The following B4GALNT3 variants were observed in gnomAD, a reference collection of about 807,000 sequenced individuals.
B4GALNT3 encodes the protein beta-1,4-N-acetyl-galactosaminyltransferase 3.
In B4GALNT3, 86 loss-of-function variants were observed where a neutral mutation model predicts 120.2. The observed-to-expected ratio is 0.72, with a 90% CI of 0.60 to 0.86. The LOEUF is 0.86. Among genes scored for constraint, B4GALNT3 ranks in the 40% least tolerant of loss-of-function variants. The pLI, the probability that B4GALNT3 is intolerant of heterozygous loss-of-function variation, is 0.00. For synonymous variants in B4GALNT3, 518 were observed against 510.4 expected (o/e 1.01, Z -0.20); for missense variants, 1,167 against 1,298.9 (o/e 0.90, Z 1.56).
chr12:560,398 A>C (rs1272969526), intron 19 of B4GALNT3, among the ~76,000 whole-genome samples: 2 of 152,158 alleles, frequency 1.3e-5, no homozygotes, highest in Non-Finnish European at 2.9e-5. Flanking sequence ...CCCAGACCTC[A>C]GTGAGGTCGG....
At chr12:554,066 T>A in intron 14 of B4GALNT3, 83 bp downstream of exon 14, 1 of 934,408 alleles carries the variant, frequency 1.1e-6, no homozygotes, top group Non-Finnish European at 1.6e-6. Flanking sequence ...TAAGGGCTGG[T>A]AGTGGGTTCC....
chr12:549,899 C>A lies in B4GALNT3; in HGVS notation c.984C>A (p.Asp328Glu). 3 of 1,612,748 alleles carry A rather than the reference C, an allele frequency of 1.9e-6. No individual in the cohort carries two copies. The highest frequency in any genetic ancestry group is 2.5e-6 in the Non-Finnish European group (3 of 1,179,716). The change falls in exon 10 of 20, where the codon GAC becomes GAA. Residue 328 changes from aspartate (D) to glutamate (E), a missense_variant. Around this residue, in one of 3 missense-constraint regions of B4GALNT3, gnomAD observed 983 missense variants for 1,102.5 expected, o/e 0.89. Transcript: ENST00000266383. The part of the protein sequence containing the change: ...PADMLRPDPR[D>E]TLYRVPLIPK... ...ACATGCTTCGGCCTGACCCCCGGGA[C>A]ACCCTCTATCGAGGTAAGGCCTCGG... is the stretch of plus-strand genomic sequence containing the variant.
intron 7 of B4GALNT3, 38 bp downstream of exon 7, chr12:546,751 G>C: frequency 6.5e-7 from 1 of 1,534,206 alleles, no homozygotes. Flanking sequence ...GGGCGCCTCG[G>C]TGCCTCGGTG....
At chr12:554,759 C>T (rs1239743911) in intron 14 of B4GALNT3, among the ~76,000 whole-genome samples, 1 of 117,580 alleles carries the variant, frequency 8.5e-6, no homozygotes, top group African/African-American at 3.4e-5. Flanking sequence ...CACTGCACTC[C>T]AGCCTGGGCG....
At chr12:471,974 G>T (rs1165759180) in intron 1 of B4GALNT3, among the ~76,000 whole-genome samples, 1 of 152,134 alleles carries the variant, frequency 6.6e-6, no homozygotes, top group Non-Finnish European at 1.5e-5. Context: ...TTTTGCTGTG[G>T]GTATTTTCCA....
chr12:507,908 C>T (rs965741653), intron 1 of B4GALNT3, among the ~76,000 whole-genome samples: 6 of 151,928 alleles, frequency 3.9e-5, no homozygotes, highest in African/African-American at 1.2e-4. Context: ...CCAGTAGTAG[C>T]TTGGTGGACA....
At chr12:515,761 C>T (rs577011341) in intron 1 of B4GALNT3, among the ~76,000 whole-genome samples, 20 of 152,168 alleles carry the variant, frequency 1.3e-4, no homozygotes, top group Non-Finnish European at 2.6e-4. Flanking sequence ...TCTTCCCCTA[C>T]TGCCTATAGG....
At position 558,582 on chromosome 12, in the gene B4GALNT3, G is replaced by T. The variant is rs150201493; in HGVS notation, c.2682G>T (p.Lys894Asn). ...FPAGVIDAIR[K>N]HCVEGKMAFA... is the part of the protein sequence containing the mutation. ...CTGGAGTCATCGATGCCATTCGGAAGCACTGTGTGGAGGGAAAGATGGCCT... is the reference window on the plus strand; with the variant it reads ...CTGGAGTCATCGATGCCATTCGGAATCACTGTGTGGAGGGAAAGATGGCCT... Residue 894 changes from lysine to asparagine, a missense_variant, in exon 18 of 20, where the codon AAG becomes AAT. Physicochemically the swap from Lys to Asn is moderately conservative, Grantham distance 94. Around this residue, in one of 3 missense-constraint regions of B4GALNT3, gnomAD observed 983 missense variants for 1,102.5 expected, o/e 0.89. Coordinates refer to ENST00000266383, the MANE Select transcript of B4GALNT3 (RefSeq NM_173593.4). 1.2e-6 allele frequency: 2 copies of T among 1,614,200 alleles called. No homozygotes were observed. The highest frequency in any genetic ancestry group is 1.7e-6 in the Non-Finnish European group (2 of 1,180,022).
At chr12:554,710 A>C (rs1947128214) in intron 14 of B4GALNT3, among the ~76,000 whole-genome samples, 1 of 138,046 alleles carries the variant, frequency 7.2e-6, no homozygotes, top group African/African-American at 2.8e-5. Flanking sequence ...GAATGGCGTG[A>C]ACCCGGGAGG....
chr12:553,301 G>A lies in B4GALNT3; in HGVS notation c.1378G>A (p.Ala460Thr), dbSNP rs1947106031. Residue 460 changes from alanine to threonine, a missense_variant, in exon 14 of 20, where the codon GCC becomes ACC. By Grantham distance (58) the Ala-to-Thr change is moderately conservative (BLOSUM62 0). Transcript: ENST00000266383. ...GATGCTTGAGGGAAGACAGACACCT[G>A]CCTCCACCCTGGAGCAAGATGCCAC... ...ARMLEGRQTP[A>T]STLEQDATDY... 1 of 1,613,500 alleles carries A rather than the reference G, an allele frequency of 6.2e-7. No homozygotes were observed. Among genetic ancestry groups the A allele is most frequent in the African/African-American group, 1.3e-5 (1 of 74,932 alleles).
intron 1 of B4GALNT3, among the ~76,000 whole-genome samples, chr12:470,812 C>T (rs576125209): frequency 6.6e-6 from 1 of 152,254 alleles, no homozygotes; most frequent in African/African-American, 2.4e-5. Flanking sequence ...GATCTCGGCT[C>T]ACTCTAACCT....
intron 3 of B4GALNT3, among the ~76,000 whole-genome samples, chr12:537,033 T>G (rs1486043222): frequency 6.6e-6 from 1 of 152,232 alleles, no homozygotes; most frequent in Non-Finnish European, 1.5e-5. Context: ...TGAAAGAGTA[T>G]GAGAAGTTCT....
chr12:541,829 G>GGCCCCCC (rs1946918955), intron 3 of B4GALNT3, among the ~76,000 whole-genome samples: 1 of 98,918 alleles, frequency 1.0e-5, no homozygotes, highest in Non-Finnish European at 2.1e-5. Context: ...TCCCTGCCCA[G>GGCCCCCC]TCCCCCCCCT....
intron 3 of B4GALNT3, among the ~76,000 whole-genome samples, chr12:542,474 C>T (rs1946928908): frequency 6.6e-6 from 1 of 152,206 alleles, no homozygotes; most frequent in Admixed American, 6.5e-5. Flanking sequence ...ATCTCGTGGG[C>T]ATGGCGGGGA....
intron 4 of B4GALNT3, 81 bp downstream of exon 4, chr12:544,515 A>G (rs1946966922): frequency 3.1e-6 from 4 of 1,273,182 alleles, no homozygotes; most frequent in Non-Finnish European, 3.4e-6. Flanking sequence ...CTTTCCTTAC[A>G]TCTTTTCTGG....
rs1181949998 is a variant in B4GALNT3, at chr12:535,148, T to C, written c.170-18T>C. ...CAGGTTACGCTGACCTGAGGGCTCC[T>C]CTCTTCCCCTTCCACAGGGTACGGC... On this transcript the variant is annotated intron_variant, in intron 1 of 19. Transcript: ENST00000266383. 1.2e-6 allele frequency: 2 copies of C among 1,604,040 alleles called. No homozygotes were observed. The highest frequency in any genetic ancestry group is 1.3e-5 in the African/African-American group (1 of 74,716).
intron 1 of B4GALNT3, among the ~76,000 whole-genome samples, chr12:519,018 G>C (rs570787422): frequency 1.2e-4 from 18 of 152,272 alleles, no homozygotes; most frequent in Admixed American, 6.5e-5. Context: ...CCCACTGTAA[G>C]CCATTTCGTG....
chr12:473,624 T>G lies in B4GALNT3; in HGVS notation c.169+13079T>G, dbSNP rs956395353. ...AAAAAAATGCCTTCATTTGTCCTTGTACTTTCCTCTCTGGAGCTTGAGTAC... is the reference window on the plus strand; with the variant it reads ...AAAAAAATGCCTTCATTTGTCCTTGGACTTTCCTCTCTGGAGCTTGAGTAC... On this transcript the variant is annotated intron_variant, in intron 1 of 19. Coordinates refer to ENST00000266383, the MANE Select transcript of B4GALNT3 (RefSeq NM_173593.4). Among the ~76,000 whole-genome samples, 3 of 152,202 alleles carry G rather than the reference T, an allele frequency of 2.0e-5. No homozygotes were observed. The East Asian group carries it at 5.8e-4, about 29-fold the overall frequency.
At chr12:491,718 A>C (rs1348726382) in intron 1 of B4GALNT3, among the ~76,000 whole-genome samples, 1 of 152,162 alleles carries the variant, frequency 6.6e-6, no homozygotes, top group Non-Finnish European at 1.5e-5. Flanking sequence ...AACTAACATT[A>C]TACTTAATAG....
Sources: allele counts gnomAD v4.1 joint callset (sites outside exome capture counted in the v4.1 genomes callset), GRCh38; gene constraint gnomAD v4.1.1; regional missense constraint gnomAD v4.1.1; transcripts MANE v1.5; gene names NCBI Gene and HGNC (gene_info 2026-07-23, HGNC 2026-07-21).